The following CHODL variants were observed in gnomAD, a reference collection of about 807,000 sequenced individuals.
CHODL encodes the protein chondrolectin, also known as transmembrane protein MT75.
Under a neutral mutation model 34.5 loss-of-function variants are expected in CHODL, and 29 were observed. The ratio of observed to expected loss-of-function variants is 0.84; its 90% CI spans 0.63 to 1.15. CHODL has a LOEUF of 1.15. CHODL is among the 50% of genes most tolerant of loss of function. The pLI, the probability that CHODL is intolerant of heterozygous loss-of-function variation, is 0.00. For missense variants in CHODL, 332 were observed against 332.5 expected, an observed-to-expected ratio of 1.00 and a Z score of 0.01; for synonymous variants, 125 against 116.1, an observed-to-expected ratio of 1.08 and a Z score of -0.49.
At chr21:17,978,441 G>A (rs947246405) in intron 1 of CHODL, among the ~76,000 whole-genome samples, 27 of 140,748 alleles carry the variant, frequency 1.9e-4, no homozygotes, top group African/African-American at 5.8e-4. Flanking sequence ...AAAAAAGGCC[G>A]GGCGCGGTGG....
chr21:18,119,487 C>T (rs1423692800), intron 2 of CHODL, among the ~76,000 whole-genome samples: 3 of 152,128 alleles, frequency 2.0e-5, no homozygotes, highest in Non-Finnish European at 4.4e-5. Context: ...AAAGGGGTTG[C>T]TTATCAAATG....
chr21:18,162,609 C>A lies in CHODL; in HGVS notation c.-44-93900C>A, dbSNP rs563037844. ...ATGACCCTATTTCCAACAAAGGTCA[C>A]ATTTTGAGGTGCTGAAAGTGCGGTC... is the stretch of plus-strand genomic sequence containing the variant. On this transcript the variant is annotated intron_variant, in intron 2 of 6. Coordinates refer to the CHODL transcript ENST00000400127. Among the ~76,000 whole-genome samples the A allele has an allele frequency of 3.3e-5, 5 of 152,162 alleles. No individual in the cohort carries two copies. The South Asian group carries it at 8.3e-4, about 25-fold the overall frequency.
chr21:18,222,260 C>A (rs1272050141), intron 2 of CHODL, among the ~76,000 whole-genome samples: 1 of 152,098 alleles, frequency 6.6e-6, no homozygotes, highest in Non-Finnish European at 1.5e-5. Flanking sequence ...ACTGCGTGGG[C>A]TCAGGTGCTG....
At chr21:18,259,456 C>T (rs184564571) in intron 3 of CHODL, among the ~76,000 whole-genome samples, 4 of 152,048 alleles carry the variant, frequency 2.6e-5, no homozygotes, top group African/African-American at 7.2e-5. Flanking sequence ...TGTGCAGCAC[C>T]GCACCATGGC....
At chr21:18,003,843 A>G (rs2824597) in intron 1 of CHODL, among the ~76,000 whole-genome samples, 53,178 of 152,088 alleles carry the variant, frequency 0.35, 10,638 homozygotes, top group African/African-American at 0.56. Context: ...TTCAGTATGT[A>G]CAAAATCACA....
At chr21:18,250,745 G>A (rs916407064) in intron 1 of CHODL, among the ~76,000 whole-genome samples, 12 of 151,672 alleles carry the variant, frequency 7.9e-5, no homozygotes, top group African/African-American at 2.9e-4. Context: ...TGTGAGGGGG[G>A]TAAGAAGAAA....
intron 2 of CHODL, among the ~76,000 whole-genome samples, chr21:18,180,201 G>T (rs1184468411): frequency 6.6e-6 from 1 of 152,100 alleles, no homozygotes; most frequent in Non-Finnish European, 1.5e-5. Context: ...CACCAAGGCT[G>T]GAGTACAGTG....
chr21:18,175,572 G>A (rs1022413272), intron 2 of CHODL, among the ~76,000 whole-genome samples: 10 of 151,378 alleles, frequency 6.6e-5, no homozygotes, highest in Admixed American at 1.3e-4. Context: ...CAGCCCGGGC[G>A]ACAGTGCGAG....
At chr21:18,200,330 TC>T (rs1437986690) in intron 2 of CHODL, among the ~76,000 whole-genome samples, 2 of 152,192 alleles carry the variant, frequency 1.3e-5, no homozygotes, top group South Asian at 2.1e-4. Flanking sequence ...AATTCAATAA[TC>T]TATTAAATTG....
intron 2 of CHODL, among the ~76,000 whole-genome samples, chr21:18,197,968 AT>A (rs138082316): frequency 0.018 from 2,732 of 152,360 alleles, 82 homozygotes; most frequent in African/African-American, 0.063. Context: ...TCAAGTCATC[AT>A]TAAAGAGAGA....
At chr21:18,186,770 C>G (rs1375995500) in intron 2 of CHODL, among the ~76,000 whole-genome samples, 1 of 152,160 alleles carries the variant, frequency 6.6e-6, no homozygotes, top group East Asian at 1.9e-4. Context: ...GAATCTTAAT[C>G]TCCCCAAGAC....
In CHODL at chr21:18,009,100, C is replaced by A. The variant is rs531847133; in HGVS notation, c.-144-18772C>A. ...TAATTTTTAGTATATTGAAGCATTG[C>A]ATTCTCATCATTCTTCCGTCATAGA... On this transcript the variant is annotated intron_variant, in intron 1 of 6. Transcript: ENST00000400127. 2.6e-4 allele frequency among the ~76,000 whole-genome samples: 40 copies of A among 152,262 alleles called. No homozygotes were observed. The South Asian group carries it at 5.0e-3, about 19-fold the overall frequency.
chr21:18,175,443 A>C (rs907741982), intron 2 of CHODL, among the ~76,000 whole-genome samples: 1 of 152,132 alleles, frequency 6.6e-6, no homozygotes, highest in Non-Finnish European at 1.5e-5. Flanking sequence ...AATACAAAAA[A>C]TTAGCTGGGC....
intron 2 of CHODL, among the ~76,000 whole-genome samples, chr21:18,203,024 T>C (rs1262094483): frequency 1.3e-5 from 2 of 152,218 alleles, no homozygotes; most frequent in African/African-American, 4.8e-5. Context: ...GTTTAGATGG[T>C]AAAGAATGAT....
chr21:18,081,851 A>G (rs146450864), intron 2 of CHODL, among the ~76,000 whole-genome samples: 1 of 152,090 alleles, frequency 6.6e-6, no homozygotes, highest in African/African-American at 2.4e-5. Flanking sequence ...TTGTTGAGGA[A>G]TTTTATCACA....
At chr21:17,928,705 C>G (rs2063247591) in intron 1 of CHODL, among the ~76,000 whole-genome samples, 1 of 152,270 alleles carries the variant, frequency 6.6e-6, no homozygotes, top group South Asian at 2.1e-4. Context: ...TAATTAACCT[C>G]CTTACTTCCC....
intron 2 of CHODL, among the ~76,000 whole-genome samples, chr21:18,178,132 A>G (rs2824683): frequency 0.62 from 94,887 of 151,972 alleles, 31,675 homozygotes; most frequent in Middle Eastern, 0.76. Flanking sequence ...CTTTTACAAT[A>G]TAATTTTCTA....
At chr21:17,935,299 A>C (rs2063310235) in intron 1 of CHODL, among the ~76,000 whole-genome samples, 1 of 152,244 alleles carries the variant, frequency 6.6e-6, no homozygotes, top group South Asian at 2.1e-4. Context: ...TTTTATAAAT[A>C]ATAGGTAATG....
At chr21:18,073,394 C>T (rs1030014326) in intron 2 of CHODL, among the ~76,000 whole-genome samples, 19 of 152,078 alleles carry the variant, frequency 1.2e-4, no homozygotes, top group Admixed American at 9.8e-4. Flanking sequence ...ATAAATACAT[C>T]AATTGCAGTC....
Sources: allele counts gnomAD v4.1 joint callset (sites outside exome capture counted in the v4.1 genomes callset), GRCh38; gene constraint gnomAD v4.1.1; transcripts MANE v1.5; gene names NCBI Gene and HGNC (gene_info 2026-07-23, HGNC 2026-07-21).